The following TRABD2B variants were observed in gnomAD, a reference collection of about 807,000 sequenced individuals.
TRABD2B encodes the protein TraB domain containing 2B.
Under a neutral mutation model 40.1 loss-of-function variants are expected in TRABD2B, and 14 were observed. That is an observed-to-expected ratio of 0.35 (90% CI 0.23 to 0.55). TRABD2B has a LOEUF of 0.55. Among genes scored for constraint, TRABD2B ranks in the 20% least tolerant of loss-of-function variants. The pLI is 0.90. For missense variants in TRABD2B, 541 were observed against 648.6 expected (o/e 0.83, Z 1.80); for synonymous variants, 263 against 277.0 (o/e 0.95, Z 0.50).
At chr1:47,978,505 C>T (rs1645792954) in intron 2 of TRABD2B, among the ~76,000 whole-genome samples, 1 of 152,174 alleles carries the variant, frequency 6.6e-6, no homozygotes, top group Admixed American at 6.5e-5. Context: ...AGCACAGGCC[C>T]AGACTGCCTG....
At chr1:47,877,885 G>A (rs1404720547) in intron 2 of TRABD2B, among the ~76,000 whole-genome samples, 1 of 151,862 alleles carries the variant, frequency 6.6e-6, no homozygotes, top group Non-Finnish European at 1.5e-5. Context: ...CCAGCTACTC[G>A]GGAGACTGAG....
In TRABD2B at chr1:47,760,677, GAAC is replaced by G. The variant is rs555906373; in HGVS notation, c.*5222_*5224del. 6.6e-5 allele frequency: 10 copies of G among 152,318 alleles called. No homozygotes were observed. The East Asian group carries it at 7.7e-4, about 12-fold the overall frequency. The allele number at this position is 152,318 out of a possible 1,614,324, so 9.4% of individuals were successfully genotyped here. On this transcript the variant is annotated 3_prime_UTR_variant, in exon 7 of 7. Transcript: ENST00000606738. ...GAGGTGAGGGGCAGAGGTGATAAGA[GAAC>G]AACATCATGAATACCTTTCAAATAC...
intron 2 of TRABD2B, among the ~76,000 whole-genome samples, chr1:47,863,474 T>C (rs1003788991): frequency 6.8e-6 from 1 of 147,908 alleles, no homozygotes; most frequent in Non-Finnish European, 1.5e-5. Flanking sequence ...CACCAAAGAA[T>C]GTACAGATGA....
At chr1:47,772,712 T>C (rs1644392577) in intron 6 of TRABD2B, among the ~76,000 whole-genome samples, 1 of 152,088 alleles carries the variant, frequency 6.6e-6, no homozygotes, top group Non-Finnish European at 1.5e-5. Context: ...TCTGCTTCTC[T>C]TAGAAAATTG....
At chr1:47,770,594 A>G (rs1644365373) in intron 6 of TRABD2B, among the ~76,000 whole-genome samples, 2 of 152,230 alleles carry the variant, frequency 1.3e-5, no homozygotes, top group Admixed American at 1.3e-4. Context: ...ACTTACCAAG[A>G]TCACTCAGGA....
intron 3 of TRABD2B, among the ~76,000 whole-genome samples, chr1:47,801,137 G>A (rs187378184): frequency 6.6e-6 from 1 of 152,254 alleles, no homozygotes; most frequent in African/African-American, 2.4e-5. Context: ...GAGTAACTGT[G>A]GGCTTTTCCT....
chr1:47,936,284 A>G (rs1009620555), intron 2 of TRABD2B, among the ~76,000 whole-genome samples: 13 of 152,212 alleles, frequency 8.5e-5, no homozygotes, highest in African/African-American at 3.1e-4. Context: ...TGTGGATGAA[A>G]TAACAGGCCA....
intron 2 of TRABD2B, among the ~76,000 whole-genome samples, chr1:47,820,625 C>T (rs1230858676): frequency 6.6e-6 from 1 of 152,188 alleles, no homozygotes; most frequent in African/African-American, 2.4e-5. Flanking sequence ...TTTTCCCCAG[C>T]CAGCCCTATG....
At chr1:47,826,158 A>G (rs923290388) in intron 2 of TRABD2B, among the ~76,000 whole-genome samples, 1 of 152,198 alleles carries the variant, frequency 6.6e-6, no homozygotes, top group Non-Finnish European at 1.5e-5. Flanking sequence ...AGCTCCATCC[A>G]TCACACATAC....
chr1:47,796,983 T>C (rs947687337), intron 3 of TRABD2B, among the ~76,000 whole-genome samples: 1 of 152,216 alleles, frequency 6.6e-6, no homozygotes, highest in South Asian at 2.1e-4. Flanking sequence ...GTGAAAACTA[T>C]GTTGTACCAC....
In TRABD2B at chr1:47,994,430, G is replaced by T. The variant is rs757053010; in HGVS notation, c.270C>A (p.Asp90Glu). ...TGGCCAGGGCCGAGATGGTGTAGGG[G>T]TCTGTAAGGTCCAGCTCAAAGTAGA... ...TRVYFELDLT[D>E]PYTISALASC... Residue 90 changes from aspartate (D) to glutamate (E), a missense_variant, in exon 2 of 7, where the codon GAC (aspartate) becomes GAA (glutamate). By Grantham distance (45) the Asp-to-Glu change is conservative. Transcript: ENST00000606738. The surrounding 1 kb of genome is among the most constrained non-coding windows in gnomAD (Gnocchi z 6.7). 3 of 1,536,170 alleles carry T rather than the reference G, an allele frequency of 2.0e-6. No individual in the cohort carries two copies. The highest frequency in any genetic ancestry group is 2.0e-5 in the Admixed American group (1 of 51,010).
At position 47,775,165 on chromosome 1, in the gene TRABD2B, C is replaced by A; in HGVS notation, c.1349+5G>T. The A allele has an allele frequency of 5.7e-6, 7 of 1,234,516 alleles. No homozygotes were observed. The highest frequency in any genetic ancestry group is 7.1e-6 in the Non-Finnish European group (7 of 988,866). The allele number at this position is 1,234,516 out of a possible 1,614,324, so 76.5% of individuals were successfully genotyped here. A position where few individuals can be genotyped will look rare whatever the true frequency, so the allele number is the denominator to read the frequency against. On this transcript the variant is annotated splice_donor_5th_base_variant and intron_variant, in intron 6 of 6. Transcript: ENST00000606738. ...TCCTGGGCAGACCTGCCCTCCCTGG[C>A]TCACCTGTCCTCGATGCGGACCCAG...
intron 2 of TRABD2B, among the ~76,000 whole-genome samples, chr1:47,875,197 C>A (rs1254612771): frequency 6.6e-6 from 1 of 151,910 alleles, no homozygotes; most frequent in Non-Finnish European, 1.5e-5. Flanking sequence ...AGGAAACAGT[C>A]TGTTCCAAGT....
At chr1:47,930,366 T>C (rs1015895479) in intron 2 of TRABD2B, among the ~76,000 whole-genome samples, 1 of 152,216 alleles carries the variant, frequency 6.6e-6, no homozygotes. Context: ...TCTGGGCATC[T>C]GGATCTGGAT....
At chr1:47,852,021 T>C (rs1645556040) in intron 2 of TRABD2B, among the ~76,000 whole-genome samples, 1 of 151,888 alleles carries the variant, frequency 6.6e-6, no homozygotes, top group South Asian at 2.1e-4. Context: ...AAAGGCAGAG[T>C]GAGCAAAAGC....
intron 2 of TRABD2B, among the ~76,000 whole-genome samples, chr1:47,934,954 G>A (rs895194814): frequency 2.0e-5 from 3 of 152,190 alleles, no homozygotes; most frequent in Middle Eastern, 3.4e-3. Context: ...CAGTGAAAGG[G>A]GCCTCCGAAA....
intron 2 of TRABD2B, among the ~76,000 whole-genome samples, chr1:47,866,316 C>G (rs751170774): frequency 6.6e-6 from 1 of 152,122 alleles, no homozygotes; most frequent in Non-Finnish European, 1.5e-5. Context: ...CTGGCTAAGA[C>G]AGTCAAGAGC....
chr1:47,984,421 C>T (rs1434904693), intron 2 of TRABD2B, among the ~76,000 whole-genome samples: 3 of 152,234 alleles, frequency 2.0e-5, no homozygotes, highest in Non-Finnish European at 4.4e-5. Context: ...AGAGGCGGCG[C>T]GGCTCGGGCC....
Position 47,813,736 on chromosome 1 carries a change from C to T in TRABD2B, c.667-12117G>A, listed in dbSNP as rs1229690750. The stretch of plus-strand genomic sequence containing the variant: ...CTTTAAGAAATTTCTGTTCCCTAAG[C>T]ACCGGGGTGGGTCCCAGTTGCAGGA... On this transcript the variant is annotated intron_variant, in intron 2 of 6. Transcript: ENST00000606738. This position sits in a 1 kb window ranked among gnomAD's most constrained non-coding sequence, Gnocchi z 4.3. Among the ~76,000 whole-genome samples, 1 of 152,188 alleles carries T rather than the reference C, an allele frequency of 6.6e-6. No homozygotes were observed. The highest frequency in any genetic ancestry group is 2.4e-5 in the African/African-American group (1 of 41,434).
Sources: allele counts gnomAD v4.1 joint callset (sites outside exome capture counted in the v4.1 genomes callset), GRCh38; gene constraint gnomAD v4.1.1; non-coding constraint Gnocchi (gnomAD v3.1); transcripts MANE v1.5; gene names NCBI Gene and HGNC (gene_info 2026-07-23, HGNC 2026-07-21).